Variants in LOC400499 observed in about 807,000 individuals in gnomAD.
chr16:11,486,204 T>C, the LOC400499 span, among the ~76,000 whole-genome samples: 1 of 125,548 alleles, frequency 8.0e-6, no homozygotes, highest in Non-Finnish European at 1.6e-5. Context: ...GGTGGGTGGA[T>C]GAATGGATGA....
the LOC400499 span, among the ~76,000 whole-genome samples, chr16:11,458,046 T>C: frequency 0.022 from 3,350 of 151,582 alleles, 118 homozygotes; most frequent in East Asian, 0.18. Flanking sequence ...CTACGAAAAA[T>C]ACAAAAAATT....
chr16:11,432,468 G>C, the LOC400499 span, among the ~76,000 whole-genome samples: 2 of 152,210 alleles, frequency 1.3e-5, no homozygotes, highest in African/African-American at 4.8e-5. Flanking sequence ...AACAGGTAGA[G>C]AGAGAGTAAT....
At chr16:11,484,954 T>G in the LOC400499 span, 3 of 399,358 alleles carry the variant, frequency 7.5e-6, no homozygotes, top group Admixed American at 4.4e-5. Flanking sequence ...GTGCAGGCCC[T>G]GGTTCTGGCC....
chr16:11,426,004 G>A, the LOC400499 span, among the ~76,000 whole-genome samples: 1 of 151,958 alleles, frequency 6.6e-6, no homozygotes, highest in Non-Finnish European at 1.5e-5. Flanking sequence ...AAAAATGCAG[G>A]GAATCCCACT....
At chr16:11,433,683 C>A in the LOC400499 span, among the ~76,000 whole-genome samples, 1 of 152,152 alleles carries the variant, frequency 6.6e-6, no homozygotes, top group African/African-American at 2.4e-5. Context: ...ACATCCCATC[C>A]TCTGAGAAGG....
the LOC400499 span, chr16:11,404,887 C>T: frequency 2.5e-6 from 1 of 398,760 alleles, no homozygotes; most frequent in Non-Finnish European, 4.4e-6. Flanking sequence ...ATGACGGCGT[C>T]ATGGGGGAAC....
At chr16:11,447,970 C>G in the LOC400499 span, 1 of 1,535,930 alleles carries the variant, frequency 6.5e-7, no homozygotes, top group Non-Finnish European at 8.7e-7. Flanking sequence ...GTACAATGTC[C>G]TGTCTTGCCT....
chr16:11,420,597 A>ACC, the LOC400499 span, among the ~76,000 whole-genome samples: 2 of 91,970 alleles, frequency 2.2e-5, no homozygotes, highest in East Asian at 7.1e-4. Context: ...ATAATAATAA[A>ACC]CCCCCCCCCC....
chr16:11,518,731 T>G, the LOC400499 span, among the ~76,000 whole-genome samples: 1 of 152,092 alleles, frequency 6.6e-6, no homozygotes, highest in African/African-American at 2.4e-5. Context: ...GAAACTTCTT[T>G]GAACTTCAGT....
the LOC400499 span, among the ~76,000 whole-genome samples, chr16:11,459,188 ATTTTTTTTT>A: frequency 7.6e-4 from 91 of 119,886 alleles, no homozygotes; most frequent in Non-Finnish European, 1.4e-3. Context: ...TCCTAAACCA[ATTTTTTTTT>A]TTTTTTTTTT....
At chr16:11,460,855 G>C in the LOC400499 span, 1 of 1,378,966 alleles carries the variant, frequency 7.3e-7, no homozygotes, top group Non-Finnish European at 9.6e-7. Context: ...ATGACTAATG[G>C]AAAACCCCGT....
At chr16:11,412,679 G>A in the LOC400499 span, among the ~76,000 whole-genome samples, 5 of 152,218 alleles carry the variant, frequency 3.3e-5, no homozygotes, top group Admixed American at 1.3e-4. Flanking sequence ...ATAGCTGTGT[G>A]ACCTTGGAAA....
At chr16:11,522,639 T>C in the LOC400499 span, among the ~76,000 whole-genome samples, 1 of 152,196 alleles carries the variant, frequency 6.6e-6, no homozygotes, top group Non-Finnish European at 1.5e-5. Context: ...CTCTTTTTTC[T>C]CCATTTTACA....
the LOC400499 span, among the ~76,000 whole-genome samples, chr16:11,468,142 T>A: frequency 1.3e-5 from 2 of 152,148 alleles, no homozygotes; most frequent in Admixed American, 6.5e-5. Context: ...AACACCTTGA[T>A]TTCAGACTCC....
chr16:11,485,407 G>C, the LOC400499 span, among the ~76,000 whole-genome samples: 3 of 152,174 alleles, frequency 2.0e-5, no homozygotes, highest in Non-Finnish European at 4.4e-5. Flanking sequence ...AGACTGGAAT[G>C]TGTGTCTTCC....
the LOC400499 span, chr16:11,478,130 T>C: frequency 0.17 from 65,557 of 385,294 alleles, 6,003 homozygotes; most frequent in Non-Finnish European, 0.19. Context: ...CTGGCCAACA[T>C]TGGGAAACCC....
chr16:11,400,252 C>G, the LOC400499 span, among the ~76,000 whole-genome samples: 3 of 152,018 alleles, frequency 2.0e-5, no homozygotes, highest in African/African-American at 7.2e-5. Flanking sequence ...CCCCAAAGCA[C>G]CCGGCTCATT....
At chr16:11,418,670 A>AC in the LOC400499 span, among the ~76,000 whole-genome samples, 1 of 152,152 alleles carries the variant, frequency 6.6e-6, no homozygotes. Flanking sequence ...CTGGATCGAG[A>AC]CCCCATTCCG....
the LOC400499 span, among the ~76,000 whole-genome samples, chr16:11,464,988 C>T: frequency 6.6e-6 from 1 of 152,182 alleles, no homozygotes; most frequent in African/African-American, 2.4e-5. Flanking sequence ...CCCAGGCTGA[C>T]GGCAGAGCTG....
Sources: allele counts gnomAD v4.1 joint callset (sites outside exome capture counted in the v4.1 genomes callset), GRCh38; gene constraint gnomAD v4.1.1; transcripts MANE v1.5.